Variants in MTHFD2L observed in about 807,000 individuals in gnomAD.
MTHFD2L encodes the protein methylenetetrahydrofolate dehydrogenase (NADP+ dependent) 2 like.
Under a neutral mutation model 34.9 loss-of-function variants are expected in MTHFD2L, and 29 were observed. The ratio of observed to expected loss-of-function variants is 0.83; its 90% CI spans 0.62 to 1.13. MTHFD2L has a LOEUF of 1.13. Ranked by LOEUF, MTHFD2L falls within the 50% of genes most tolerant of loss-of-function variation. MTHFD2L has a pLI of 0.00. For missense variants in MTHFD2L, 481 were observed against 446.5 expected (o/e 1.08, Z -0.70); for synonymous variants, 167 against 155.7 (o/e 1.07, Z -0.54).
At chr4:74,200,028 C>A in intron 4 of MTHFD2L, 82 bp downstream of exon 4, 2 of 1,288,954 alleles carry the variant, frequency 1.6e-6, no homozygotes, top group Non-Finnish European at 2.2e-6. Context: ...GGGACTACCT[C>A]AGTCCTATAG....
At chr4:74,246,518 A>C (rs1362159422) in intron 6 of MTHFD2L, among the ~76,000 whole-genome samples, 1 of 152,096 alleles carries the variant, frequency 6.6e-6, no homozygotes, top group Admixed American at 6.5e-5. Context: ...TTTTTTTGCC[A>C]ATGCTTTTGG....
chr4:74,271,371 T>C (rs547868884), intron 6 of MTHFD2L, among the ~76,000 whole-genome samples: 256 of 152,348 alleles, frequency 1.7e-3, no homozygotes, highest in Non-Finnish European at 2.8e-3. Context: ...AGGGATCCAG[T>C]TTCAGCTTTC....
At chr4:74,169,499 G>T (rs553648611) in intron 1 of MTHFD2L, among the ~76,000 whole-genome samples, 1 of 152,306 alleles carries the variant, frequency 6.6e-6, no homozygotes, top group Admixed American at 6.5e-5. Context: ...GCAAGACAGA[G>T]TTCAGATGTT....
intron 1 of MTHFD2L, among the ~76,000 whole-genome samples, chr4:74,144,506 T>A (rs1723470226): frequency 6.6e-6 from 1 of 152,120 alleles, no homozygotes; most frequent in South Asian, 2.1e-4. Flanking sequence ...GTTCACTCTA[T>A]TAGTGGTGCT....
chr4:74,231,404 T>A (rs142514671), intron 6 of MTHFD2L, among the ~76,000 whole-genome samples: 2 of 152,188 alleles, frequency 1.3e-5, no homozygotes, highest in African/African-American at 4.8e-5. Context: ...TCCCCACAGC[T>A]CATGCAACCC....
chr4:74,156,595 T>C (rs1578270345), upstream of MTHFD2L: 1 of 152,204 alleles, frequency 6.6e-6, no homozygotes, highest in African/African-American at 2.4e-5. Flanking sequence ...CTGGATTGCA[T>C]GGTTAAATGA....
intron 1 of MTHFD2L, among the ~76,000 whole-genome samples, chr4:74,148,272 C>G: frequency 6.6e-6 from 1 of 151,916 alleles, no homozygotes. Flanking sequence ...AAGTGTGAGA[C>G]CTCCAACATT....
intron 6 of MTHFD2L, among the ~76,000 whole-genome samples, chr4:74,247,618 G>C (rs1438833123): frequency 6.6e-6 from 1 of 152,148 alleles, no homozygotes; most frequent in Non-Finnish European, 1.5e-5. Flanking sequence ...CTGTGGGTTT[G>C]TCATAGATAG....
intron 6 of MTHFD2L, among the ~76,000 whole-genome samples, chr4:74,259,890 G>A (rs1027105741): frequency 1.2e-4 from 18 of 152,184 alleles, no homozygotes; most frequent in Non-Finnish European, 7.3e-5. Flanking sequence ...AAACAGTAGA[G>A]CAATCAATTG....
chr4:74,173,804 A>C (rs1728485783), intron 1 of MTHFD2L, among the ~76,000 whole-genome samples: 1 of 152,168 alleles, frequency 6.6e-6, no homozygotes. Flanking sequence ...GTGGTTTGAT[A>C]ATTTATATGA....
chr4:74,133,929 T>C lies in MTHFD2L; in HGVS notation c.-297+8412T>C, dbSNP rs575989064. On this transcript the variant is annotated intron_variant, in intron 1 of 7. Coordinates refer to the MTHFD2L transcript ENST00000433372. ...GAGATCCTGTATGAGGATGAGACAGTTCCTGTAGGTACAGAGAAGTGGAAA... is the reference window on the plus strand; with the variant it reads ...GAGATCCTGTATGAGGATGAGACAGCTCCTGTAGGTACAGAGAAGTGGAAA... Among the ~76,000 whole-genome samples, 23 of 152,204 alleles carry C rather than the reference T, an allele frequency of 1.5e-4. No homozygotes were observed. In the East Asian group the frequency reaches 4.3e-3, roughly 28 times the overall value.
intron 3 of MTHFD2L, among the ~76,000 whole-genome samples, chr4:74,176,281 T>C (rs1310367681): frequency 6.6e-6 from 1 of 152,096 alleles, no homozygotes; most frequent in Non-Finnish European, 1.5e-5. Flanking sequence ...TTAAATTAGA[T>C]TCCTATTGAA....
At chr4:74,219,612 T>A (rs1307971963) in intron 5 of MTHFD2L, among the ~76,000 whole-genome samples, 2 of 151,992 alleles carry the variant, frequency 1.3e-5, no homozygotes, top group East Asian at 3.9e-4. Flanking sequence ...AAGAATAGGT[T>A]TAAGAGGAAA....
intron 6 of MTHFD2L, among the ~76,000 whole-genome samples, chr4:74,258,678 A>C (rs994714433): frequency 6.6e-6 from 1 of 152,210 alleles, no homozygotes; most frequent in Non-Finnish European, 1.5e-5. Context: ...GAATCGATAC[A>C]AAGTTTTTAG....
chr4:74,152,006 T>C (rs569187), intron 1 of MTHFD2L, among the ~76,000 whole-genome samples: 146,167 of 152,074 alleles, frequency 0.96, 70,506 homozygotes, highest in East Asian at 1. Flanking sequence ...ATTTATGTGA[T>C]ATATGAACTG....
chr4:74,255,658 T>C (rs1256957376), intron 6 of MTHFD2L, among the ~76,000 whole-genome samples: 1 of 152,164 alleles, frequency 6.6e-6, no homozygotes, highest in Non-Finnish European at 1.5e-5. Flanking sequence ...CTTCCACTTC[T>C]AGTAGTCTCC....
intron 1 of MTHFD2L, among the ~76,000 whole-genome samples, chr4:74,173,132 C>T (rs747427865): frequency 5.9e-5 from 9 of 151,688 alleles, no homozygotes; most frequent in Non-Finnish European, 8.8e-5. Flanking sequence ...ATGTTTTTAC[C>T]GGGCCATTCA....
At chr4:74,175,210 G>A in intron 2 of MTHFD2L, 71 bp from the exon 3 acceptor site, 3 of 1,520,220 alleles carry the variant, frequency 2.0e-6, no homozygotes, top group Middle Eastern at 1.8e-4. Flanking sequence ...GTCCCACACT[G>A]TGTCAGACAC....
At position 74,138,189 on chromosome 4, in the gene MTHFD2L, T is replaced by G. The variant is rs186240988; in HGVS notation, c.-297+12672T>G. 1.4e-3 allele frequency among the ~76,000 whole-genome samples: 217 copies of G among 152,274 alleles called. 1 individual carries two copies. The highest frequency in any genetic ancestry group is 5.1e-3 in the African/African-American group (212 of 41,564). ...GGTTAGACAATGGTTCCTTGCTTTG[T>G]CTGTTTGGGTTGGTCATGGCTCCTC... On this transcript the variant is annotated intron_variant, in intron 1 of 7. Coordinates refer to the MTHFD2L transcript ENST00000433372.
Sources: allele counts gnomAD v4.1 joint callset (sites outside exome capture counted in the v4.1 genomes callset), GRCh38; gene constraint gnomAD v4.1.1; transcripts MANE v1.5; gene names NCBI Gene and HGNC (gene_info 2026-07-23, HGNC 2026-07-21).